WDR70: variants seen among roughly 807,000 people sequenced by gnomAD.
WDR70 encodes WD repeat-containing protein 70.
A neutral mutation model predicts 88.6 loss-of-function variants in WDR70; 53 were observed. The observed-to-expected ratio is 0.60, with a 90% CI of 0.48 to 0.75. The LOEUF is 0.75. WDR70 is among the 30% of genes least tolerant of loss of function. The pLI is 0.00. For missense variants in WDR70, 610 were observed against 823.2 expected (o/e 0.74, Z 3.17); for synonymous variants, 280 against 270.0 (o/e 1.04, Z -0.36).
chr5:37,713,789 G>A (rs947490115), intron 13 of WDR70, among the ~76,000 whole-genome samples: 109 of 152,212 alleles, frequency 7.2e-4, no homozygotes, highest in African/African-American at 2.6e-3. Context: ...CCCTAGCACC[G>A]TATCACATCC....
At chr5:37,513,480 T>C (rs989132418) in intron 8 of WDR70, among the ~76,000 whole-genome samples, 1 of 152,096 alleles carries the variant, frequency 6.6e-6, no homozygotes, top group Non-Finnish European at 1.5e-5. Context: ...TAAGTGAAGA[T>C]GGAAGGAACA....
intron 7 of WDR70, among the ~76,000 whole-genome samples, chr5:37,463,092 C>T (rs959097618): frequency 1.4e-4 from 21 of 151,950 alleles, no homozygotes; most frequent in East Asian, 1.2e-3. Context: ...ACCAACATGG[C>T]GAAACCCCGT....
At chr5:37,436,804 C>G (rs1053850096) in intron 5 of WDR70, among the ~76,000 whole-genome samples, 6 of 151,610 alleles carry the variant, frequency 4.0e-5, no homozygotes. Flanking sequence ...AGTATTAATA[C>G]TTTGTTTATA....
In WDR70 at chr5:37,398,381, G is replaced by A. The variant is rs537826146; in HGVS notation, c.492+1811G>A. On this transcript the variant is annotated intron_variant, in intron 5 of 17. Coordinates refer to ENST00000265107, the MANE Select transcript of WDR70 (RefSeq NM_018034.4). ...GGGACAGGCGTGAGCCACTGCGCCC[G>A]GCCGCACTTGGGGTAGATAATTTTT... 4.9e-4 allele frequency among the ~76,000 whole-genome samples: 73 copies of A among 149,544 alleles called. 1 individual carries two copies. The highest frequency in any genetic ancestry group is 4.6e-3 in the Admixed American group (69 of 15,018).
chr5:37,485,256 C>T (rs575963558), intron 8 of WDR70, among the ~76,000 whole-genome samples: 2 of 152,184 alleles, frequency 1.3e-5, no homozygotes, highest in African/African-American at 4.8e-5. Flanking sequence ...ACAGTCGATC[C>T]TCCTTGTTTT....
intron 8 of WDR70, among the ~76,000 whole-genome samples, chr5:37,490,527 C>G (rs931528469): frequency 6.6e-6 from 1 of 152,124 alleles, no homozygotes; most frequent in Non-Finnish European, 1.5e-5. Flanking sequence ...AGCCTGTCCT[C>G]AAGGCACATG....
intron 5 of WDR70, among the ~76,000 whole-genome samples, chr5:37,425,089 T>C (rs1055317710): frequency 1.3e-5 from 2 of 151,972 alleles, no homozygotes; most frequent in Non-Finnish European, 2.9e-5. Flanking sequence ...CTACAAAAAA[T>C]AGAAAAATTA....
At chr5:37,740,863 C>T (rs1748452341) in intron 17 of WDR70, among the ~76,000 whole-genome samples, 1 of 152,174 alleles carries the variant, frequency 6.6e-6, no homozygotes. Context: ...CCTTCTTTGC[C>T]AAGCTAGGGG....
At chr5:37,515,569 C>T (rs1047407357) in intron 8 of WDR70, among the ~76,000 whole-genome samples, 1 of 152,192 alleles carries the variant, frequency 6.6e-6, no homozygotes, top group African/African-American at 2.4e-5. Flanking sequence ...AGGCCTTGGC[C>T]AGATACTATT....
At chr5:37,517,924 A>AT (rs1343543725) in intron 9 of WDR70, among the ~76,000 whole-genome samples, 1 of 145,410 alleles carries the variant, frequency 6.9e-6, no homozygotes, top group Non-Finnish European at 1.5e-5. Flanking sequence ...TATATTATTT[A>AT]TTTTTTTGAG....
chr5:37,554,755 G>A (rs760694839), intron 9 of WDR70, among the ~76,000 whole-genome samples: 12 of 151,736 alleles, frequency 7.9e-5, no homozygotes, highest in Admixed American at 5.3e-4. Flanking sequence ...GAGCGCAGTG[G>A]TTATTCACAG....
chr5:37,582,927 G>C (rs998081280), intron 9 of WDR70, among the ~76,000 whole-genome samples: 2 of 152,224 alleles, frequency 1.3e-5, no homozygotes, highest in East Asian at 3.9e-4. Context: ...CAAATAGCCT[G>C]TTTCTGATGG....
intron 8 of WDR70, among the ~76,000 whole-genome samples, chr5:37,485,705 T>G (rs1455229360): frequency 1.3e-5 from 2 of 152,060 alleles, no homozygotes; most frequent in Middle Eastern, 3.4e-3. Flanking sequence ...ATTATTATTA[T>G]TTTTGAGATA....
At chr5:37,587,137 A>G (rs1200846231) in intron 9 of WDR70, among the ~76,000 whole-genome samples, 2 of 152,176 alleles carry the variant, frequency 1.3e-5, no homozygotes, top group Admixed American at 6.5e-5. Context: ...ACTGCCATCC[A>G]AGTGATTTTC....
chr5:37,653,592 TATTA>T (rs1338939366), intron 10 of WDR70, among the ~76,000 whole-genome samples: 2 of 152,202 alleles, frequency 1.3e-5, no homozygotes, highest in Non-Finnish European at 2.9e-5. Flanking sequence ...GTTAGTAGGC[TATTA>T]ATTACTACCT....
intron 9 of WDR70, among the ~76,000 whole-genome samples, chr5:37,541,079 T>G (rs1581379371): frequency 6.6e-6 from 1 of 152,330 alleles, no homozygotes; most frequent in South Asian, 2.1e-4. Flanking sequence ...AAAAGAGTCT[T>G]AACTACCACA....
At chr5:37,613,709 A>C (rs1423700992) in intron 10 of WDR70, among the ~76,000 whole-genome samples, 2 of 152,128 alleles carry the variant, frequency 1.3e-5, no homozygotes. Flanking sequence ...GCACTTACTA[A>C]GTACTTACTG....
chr5:37,511,883 A>G (rs1740732755), intron 8 of WDR70, among the ~76,000 whole-genome samples: 1 of 152,256 alleles, frequency 6.6e-6, no homozygotes, highest in Non-Finnish European at 1.5e-5. Flanking sequence ...ACTGCAAAAA[A>G]GAAACAAATG....
chr5:37,588,697 C>T (rs1015322916), intron 9 of WDR70, among the ~76,000 whole-genome samples: 2 of 152,140 alleles, frequency 1.3e-5, no homozygotes, highest in African/African-American at 4.8e-5. Context: ...CCACCTCGGC[C>T]TCCCAAGTAG....
Sources: gnomAD v4.1 joint callset for allele counts (sites outside exome capture counted in the v4.1 genomes callset) on GRCh38, gnomAD v4.1.1 for gene constraint, MANE v1.5 for transcripts, NCBI Gene and HGNC (gene_info 2026-07-23, HGNC 2026-07-21) for gene names.